The following ZNF804B variants were observed in gnomAD, a reference collection of about 807,000 sequenced individuals.
ZNF804B encodes zinc finger 804B.
Under a neutral mutation model 101.4 loss-of-function variants are expected in ZNF804B, and 80 were observed. That is an observed-to-expected ratio of 0.79 (90% CI 0.66 to 0.95). ZNF804B has a LOEUF of 0.95. ZNF804B is among the 40% of genes least tolerant of loss of function. The probability of loss-of-function intolerance (pLI) is 0.00; values close to 1 mark genes in which losing one functional copy is unlikely to be tolerated. For missense variants in ZNF804B, 1,673 were observed against 1,561.9 expected, an observed-to-expected ratio of 1.07 and a Z score of -1.20; for synonymous variants, 622 against 558.8, an observed-to-expected ratio of 1.11 and a Z score of -1.59.
chr7:89,137,861 C>T (rs1790659887), intron 1 of ZNF804B, among the ~76,000 whole-genome samples: 1 of 151,934 alleles, frequency 6.6e-6, no homozygotes, highest in African/African-American at 2.4e-5. Context: ...ACCGAGAGGC[C>T]TAGTAGAAAA....
chr7:89,315,413 A>T (rs1048982575), intron 2 of ZNF804B, among the ~76,000 whole-genome samples: 2 of 152,164 alleles, frequency 1.3e-5, no homozygotes, highest in African/African-American at 4.8e-5. Flanking sequence ...AAAGTTTATA[A>T]ATGATTATCT....
chr7:88,810,478 C>T (rs2115733168), intron 1 of ZNF804B, among the ~76,000 whole-genome samples: 1 of 151,184 alleles, frequency 6.6e-6, no homozygotes, highest in Middle Eastern at 3.4e-3. Flanking sequence ...TATGGCAAAA[C>T]CTCATCTCTA....
intron 1 of ZNF804B, among the ~76,000 whole-genome samples, chr7:88,811,259 A>T (rs986019607): frequency 2.0e-5 from 3 of 152,168 alleles, no homozygotes; most frequent in African/African-American, 7.2e-5. Flanking sequence ...CAAGCAAAAA[A>T]GCTCAACATC....
At chr7:88,988,363 T>C (rs1421602721) in intron 1 of ZNF804B, among the ~76,000 whole-genome samples, 1 of 152,152 alleles carries the variant, frequency 6.6e-6, no homozygotes, top group Non-Finnish European at 1.5e-5. Context: ...AGCATTATCA[T>C]CTGACTTGTT....
At chr7:89,272,988 T>C (rs1297985778) in intron 2 of ZNF804B, among the ~76,000 whole-genome samples, 1 of 152,154 alleles carries the variant, frequency 6.6e-6, no homozygotes, top group African/African-American at 2.4e-5. Context: ...TCAAATGCTA[T>C]GTAGCTGCAG....
chr7:88,956,403 AG>A (rs774161505), intron 1 of ZNF804B, among the ~76,000 whole-genome samples: 2 of 151,152 alleles, frequency 1.3e-5, no homozygotes, highest in Non-Finnish European at 3.0e-5. Context: ...CATAAATAAA[AG>A]AAAATTTCAA....
At chr7:88,989,555 A>T (rs1055489345) in intron 1 of ZNF804B, among the ~76,000 whole-genome samples, 1 of 152,106 alleles carries the variant, frequency 6.6e-6, no homozygotes, top group Non-Finnish European at 1.5e-5. Flanking sequence ...GCTCAGGCTT[A>T]GAGTTTCTAC....
chr7:89,140,585 G>A (rs1197222702), intron 1 of ZNF804B, among the ~76,000 whole-genome samples: 1 of 152,054 alleles, frequency 6.6e-6, no homozygotes, highest in Non-Finnish European at 1.5e-5. Context: ...GCAATTTTAT[G>A]TTATGTAGAT....
At chr7:89,162,832 G>A (rs1791087830) in intron 1 of ZNF804B, among the ~76,000 whole-genome samples, 1 of 90,716 alleles carries the variant, frequency 1.1e-5, no homozygotes, top group East Asian at 2.7e-4. Flanking sequence ...AGTCCCCAGA[G>A]TGTGATGTTC....
intron 1 of ZNF804B, among the ~76,000 whole-genome samples, chr7:88,774,752 G>A (rs913510421): frequency 2.0e-5 from 3 of 152,170 alleles, no homozygotes; most frequent in African/African-American, 4.8e-5. Context: ...TTATTGTAAG[G>A]TTCTGCTTTG....
At chr7:89,293,437 CTG>C (rs1790329336) in intron 2 of ZNF804B, among the ~76,000 whole-genome samples, 1 of 152,022 alleles carries the variant, frequency 6.6e-6, no homozygotes. Context: ...AATAAATAAA[CTG>C]TTTTCTTTCA....
intron 1 of ZNF804B, among the ~76,000 whole-genome samples, chr7:89,021,501 A>G (rs1162662914): frequency 1.3e-5 from 2 of 152,164 alleles, no homozygotes; most frequent in African/African-American, 2.4e-5. Flanking sequence ...CACTCCTGCC[A>G]ACCTGATTGT....
chr7:89,129,081 G>A (rs181465185), intron 1 of ZNF804B, among the ~76,000 whole-genome samples: 1 of 151,908 alleles, frequency 6.6e-6, no homozygotes, highest in East Asian at 1.9e-4. Context: ...TAATAATTAG[G>A]TATTTCTTAT....
chr7:89,119,109 A>AT (rs1325937885), intron 1 of ZNF804B, among the ~76,000 whole-genome samples: 4 of 152,146 alleles, frequency 2.6e-5, no homozygotes, highest in Non-Finnish European at 4.4e-5. Context: ...TTGAGTGCTT[A>AT]TTATGTTTTA....
chr7:89,173,989 G>T (rs1791279168), intron 1 of ZNF804B, among the ~76,000 whole-genome samples: 1 of 151,914 alleles, frequency 6.6e-6, no homozygotes, highest in African/African-American at 2.4e-5. Flanking sequence ...TATGGGGTAT[G>T]TGAGATATTT....
intron 2 of ZNF804B, among the ~76,000 whole-genome samples, chr7:89,261,392 ATT>A (rs1370713737): frequency 6.6e-6 from 1 of 152,038 alleles, no homozygotes; most frequent in African/African-American, 2.4e-5. Context: ...TTTTATATAT[ATT>A]TGTCTTCAAG....
intron 1 of ZNF804B, among the ~76,000 whole-genome samples, chr7:89,012,299 C>A (rs1788477791): frequency 6.6e-6 from 1 of 152,134 alleles, no homozygotes; most frequent in African/African-American, 2.4e-5. Flanking sequence ...GTGAAGACTT[C>A]TGCCGTGCCA....
intron 1 of ZNF804B, among the ~76,000 whole-genome samples, chr7:89,151,619 T>C (rs916407966): frequency 2.6e-5 from 4 of 151,992 alleles, no homozygotes; most frequent in African/African-American, 4.8e-5. Flanking sequence ...TACTGTGAAA[T>C]GTAAAACTGC....
intron 1 of ZNF804B, among the ~76,000 whole-genome samples, chr7:89,086,314 A>G (rs1371671725): frequency 1.3e-5 from 2 of 151,974 alleles, no homozygotes; most frequent in Admixed American, 6.6e-5. Context: ...ATGTTAAGTC[A>G]TCATTTATTC....
Sources: gnomAD v4.1 joint callset for allele counts (sites outside exome capture counted in the v4.1 genomes callset) on GRCh38, gnomAD v4.1.1 for gene constraint, MANE v1.5 for transcripts, NCBI Gene and HGNC (gene_info 2026-07-23, HGNC 2026-07-21) for gene names.